The following GALNT13 variants were observed in gnomAD, a reference collection of about 807,000 sequenced individuals.
GALNT13 encodes UDP-GalNAc:polypeptide N-acetylgalactosaminyltransferase 13.
GALNT13 carries 28 observed loss-of-function variants against 64.2 expected under a neutral mutation model. The observed-to-expected ratio is 0.44, with a 90% CI of 0.32 to 0.60. GALNT13 has a LOEUF of 0.60. Ranked by LOEUF, GALNT13 falls within the 20% of genes least tolerant of loss-of-function variation. The pLI, the probability that GALNT13 is intolerant of heterozygous loss-of-function variation, is 0.05. For missense variants in GALNT13, 577 were observed against 669.8 expected (o/e 0.86, Z 1.53); for synonymous variants, 214 against 224.6 (o/e 0.95, Z 0.42).
chr2:154,321,326 TC>T (rs1224910195), intron 9 of GALNT13, among the ~76,000 whole-genome samples: 1 of 152,184 alleles, frequency 6.6e-6, no homozygotes, highest in Non-Finnish European at 1.5e-5. Context: ...CTTTCTCCTA[TC>T]CTATAATCTT....
chr2:153,874,965 AT>A (rs1320398911), intron 1 of GALNT13, among the ~76,000 whole-genome samples: 35 of 152,136 alleles, frequency 2.3e-4, no homozygotes, highest in Admixed American at 1.2e-3. Context: ...TTTTGGGTGA[AT>A]ACTTTCATGT....
intron 8 of GALNT13, among the ~76,000 whole-genome samples, chr2:154,272,096 A>G (rs1691385354): frequency 6.6e-6 from 1 of 152,010 alleles, no homozygotes; most frequent in African/African-American, 2.4e-5. Flanking sequence ...TAAATAAAGA[A>G]GTGAATGATA....
the GALNT13 span, chr2:153,421,644 G>A: frequency 1.1e-5 from 3 of 267,688 alleles, no homozygotes; most frequent in African/African-American, 2.3e-5. Flanking sequence ...TGCCAATGTC[G>A]TGATGCCCCC....
At chr2:153,957,656 A>ATCC (rs1409445560) in intron 3 of GALNT13, among the ~76,000 whole-genome samples, 46 of 152,336 alleles carry the variant, frequency 3.0e-4, no homozygotes, top group Non-Finnish European at 3.4e-4. Context: ...TTGTCTAGGC[A>ATCC]TCCCATCCCA....
At chr2:154,399,417 A>T (rs799742) in intron 10 of GALNT13, among the ~76,000 whole-genome samples, 52,276 of 151,988 alleles carry the variant, frequency 0.34, 9,441 homozygotes, top group African/African-American at 0.45. Flanking sequence ...AGTGTCTGAT[A>T]AAGGCTTCTA....
the GALNT13 span, among the ~76,000 whole-genome samples, chr2:153,679,057 T>C: frequency 6.6e-6 from 1 of 151,938 alleles, no homozygotes. Flanking sequence ...TTATCATGAT[T>C]GAGGTTGTGA....
chr2:153,858,246 G>A, the GALNT13 span, among the ~76,000 whole-genome samples: 2 of 152,164 alleles, frequency 1.3e-5, no homozygotes, highest in African/African-American at 4.8e-5. Context: ...GGCCCAAGTA[G>A]GCCCCAATGA....
At chr2:153,114,447 G>T in the GALNT13 span, among the ~76,000 whole-genome samples, 1 of 152,130 alleles carries the variant, frequency 6.6e-6, no homozygotes, top group African/African-American at 2.4e-5. Flanking sequence ...GAAGAGTTAG[G>T]AGTAGAAACT....
chr2:154,432,255 G>A (rs1179331632), intron 11 of GALNT13, among the ~76,000 whole-genome samples: 1 of 152,132 alleles, frequency 6.6e-6, no homozygotes, highest in Non-Finnish European at 1.5e-5. Flanking sequence ...CTATTGGAAA[G>A]TATAACTGGA....
intron 4 of GALNT13, among the ~76,000 whole-genome samples, chr2:154,229,224 G>A (rs2105841801): frequency 6.6e-6 from 1 of 152,080 alleles, no homozygotes; most frequent in African/African-American, 2.4e-5. Context: ...AATTTACTCT[G>A]GATACAGAGC....
chr2:153,721,815 G>C, the GALNT13 span, among the ~76,000 whole-genome samples: 11 of 151,524 alleles, frequency 7.3e-5, no homozygotes, highest in African/African-American at 2.0e-4. Flanking sequence ...AGCAAGTCCT[G>C]AGTGACCTAC....
chr2:153,116,261 A>T, the GALNT13 span, among the ~76,000 whole-genome samples: 1 of 152,188 alleles, frequency 6.6e-6, no homozygotes, highest in Non-Finnish European at 1.5e-5. Flanking sequence ...GTTTTGTTAA[A>T]TGTTCTTATT....
chr2:153,360,738 G>T, the GALNT13 span, among the ~76,000 whole-genome samples: 2 of 152,178 alleles, frequency 1.3e-5, no homozygotes, highest in African/African-American at 4.8e-5. Flanking sequence ...TGAGCCCCTA[G>T]GGGGAGGGGT....
intron 9 of GALNT13, among the ~76,000 whole-genome samples, chr2:154,388,636 A>G (rs2105346791): frequency 6.6e-6 from 1 of 152,282 alleles, no homozygotes; most frequent in African/African-American, 2.4e-5. Flanking sequence ...TACCATTTAC[A>G]ATTTGGTATT....
the GALNT13 span, among the ~76,000 whole-genome samples, chr2:153,471,391 C>T: frequency 1.3e-5 from 2 of 152,104 alleles, no homozygotes; most frequent in Non-Finnish European, 2.9e-5. Flanking sequence ...TAAGAAAACT[C>T]AGCCAGCGGA....
the GALNT13 span, among the ~76,000 whole-genome samples, chr2:153,666,152 A>C: frequency 6.6e-6 from 1 of 151,868 alleles, no homozygotes; most frequent in South Asian, 2.1e-4. Flanking sequence ...CCACTTCTAT[A>C]ACTCCTTTAT....
intron 8 of GALNT13, among the ~76,000 whole-genome samples, chr2:154,285,180 ACT>A (rs1692190772): frequency 2.0e-5 from 3 of 152,018 alleles, no homozygotes; most frequent in Admixed American, 6.5e-5. Context: ...TTGTCTCCTC[ACT>A]CTGTTGTTTC....
chr2:154,403,962 G>A (rs968161666), intron 10 of GALNT13, among the ~76,000 whole-genome samples: 2 of 152,138 alleles, frequency 1.3e-5, no homozygotes, highest in Non-Finnish European at 2.9e-5. Context: ...GGAGTAATAG[G>A]TTGGCACATA....
chr2:153,813,473 A>G, the GALNT13 span, among the ~76,000 whole-genome samples: 97 of 152,258 alleles, frequency 6.4e-4, no homozygotes, highest in Non-Finnish European at 1.0e-3. Flanking sequence ...GATCACCCAG[A>G]CCAATTCCCC....
Sources: allele counts gnomAD v4.1 joint callset (sites outside exome capture counted in the v4.1 genomes callset), GRCh38; gene constraint gnomAD v4.1.1; transcripts MANE v1.5; gene names NCBI Gene and HGNC (gene_info 2026-07-23, HGNC 2026-07-21).